Variants in KCTD8 observed in about 807,000 individuals in gnomAD.
KCTD8 encodes the protein potassium channel tetramerization domain containing 8.
In KCTD8, 27 loss-of-function variants were observed where a neutral mutation model predicts 31.5. The ratio of observed to expected loss-of-function variants is 0.86; its 90% confidence interval spans 0.63 to 1.18. KCTD8 has a LOEUF of 1.18. KCTD8 is among the 50% of genes most tolerant of loss of function. The pLI, the probability that KCTD8 is intolerant of heterozygous loss-of-function variation, is 0.00. For synonymous variants in KCTD8, 290 were observed against 280.0 expected (o/e 1.04, Z -0.36); for missense variants, 658 against 647.7 (o/e 1.02, Z -0.17).
intron 1 of KCTD8, among the ~76,000 whole-genome samples, chr4:44,210,569 A>C (rs1382144658): frequency 1.3e-5 from 2 of 152,228 alleles, no homozygotes; most frequent in Non-Finnish European, 2.9e-5. Flanking sequence ...ATCACATAGG[A>C]AACATTTTTT....
intron 1 of KCTD8, among the ~76,000 whole-genome samples, chr4:44,238,466 C>A (rs796902548): frequency 9.9e-5 from 15 of 152,138 alleles, no homozygotes; most frequent in African/African-American, 3.6e-4. Flanking sequence ...CTACTATTTG[C>A]AACAGAGTTT....
chr4:44,339,336 T>C (rs1045101053), intron 1 of KCTD8, among the ~76,000 whole-genome samples: 1 of 151,988 alleles, frequency 6.6e-6, no homozygotes, highest in African/African-American at 2.4e-5. Context: ...CCAAACATAC[T>C]GAGAGCAGGA....
At chr4:44,378,424 C>T (rs150237706) in intron 1 of KCTD8, among the ~76,000 whole-genome samples, 24 of 150,930 alleles carry the variant, frequency 1.6e-4, no homozygotes, top group East Asian at 5.9e-4. Flanking sequence ...CAAACCTGCA[C>T]GTTGTGCATA....
Position 44,297,243 on chromosome 4 carries a change from A to T in KCTD8, c.962-121993T>A, listed in dbSNP as rs545835891. ...AATAATTGGAACAAATTAAATCAAA[A>T]CAGATTAGAATAGCATTGCCAACAA... On this transcript the variant is annotated intron_variant, in intron 1 of 1. Transcript: ENST00000360029. Among the ~76,000 whole-genome samples the T allele has an allele frequency of 2.0e-5, 3 of 152,244 alleles. No individual in the cohort carries two copies. In the South Asian group the frequency reaches 6.2e-4, roughly 32 times the overall value.
rs529009603 is a variant in KCTD8 at position 44,441,067 on chromosome 4, G to A, written c.961+6496C>T. ...GGTATCATTAATAGAAACTAATAAT[G>A]AGACATATATGGCTGATAGGCAGAT... On this transcript the variant is annotated intron_variant, in intron 1 of 1. Transcript: ENST00000360029. Among the ~76,000 whole-genome samples, 4 of 152,226 alleles carry A rather than the reference G, an allele frequency of 2.6e-5. No homozygotes were observed. In the East Asian group the frequency reaches 5.8e-4, roughly 22 times the overall value.
chr4:44,336,908 A>G (rs549224241), intron 1 of KCTD8, among the ~76,000 whole-genome samples: 1 of 149,796 alleles, frequency 6.7e-6, no homozygotes, highest in Non-Finnish European at 1.5e-5. Context: ...CATATAACAA[A>G]TCTCTAAACG....
At chr4:44,348,450 T>C (rs973427816) in intron 1 of KCTD8, among the ~76,000 whole-genome samples, 3 of 152,146 alleles carry the variant, frequency 2.0e-5, no homozygotes, top group African/African-American at 7.2e-5. Context: ...AAAATAAATA[T>C]AAACTAGCCA....
intron 1 of KCTD8, among the ~76,000 whole-genome samples, chr4:44,367,052 A>G (rs1329894847): frequency 6.6e-6 from 1 of 152,128 alleles, no homozygotes; most frequent in Non-Finnish European, 1.5e-5. Context: ...ATCCAGCCAC[A>G]CTAGTCTTCC....
At position 44,241,626 on chromosome 4, in the gene KCTD8, T is replaced by C. The variant is rs555133455; in HGVS notation, c.962-66376A>G. 1.6e-4 allele frequency among the ~76,000 whole-genome samples: 24 copies of C among 152,352 alleles called. 1 individual carries two copies. In the South Asian group the frequency reaches 3.7e-3, roughly 24 times the overall value. ...AGATGAATACTATTTATTTAATCTT[T>C]TTTATTTAAAACACTCTACCTCTAT... On this transcript the variant is annotated intron_variant, in intron 1 of 1. Transcript: ENST00000360029.
chr4:44,357,858 GTAGT>G (rs1421834649), intron 1 of KCTD8, among the ~76,000 whole-genome samples: 1 of 151,620 alleles, frequency 6.6e-6, no homozygotes, highest in Non-Finnish European at 1.5e-5. Flanking sequence ...TATCAGCACA[GTAGT>G]TATTCTCTCT....
At position 44,175,055 on chromosome 4, in the gene KCTD8, G is replaced by A; in HGVS notation, c.1157C>T (p.Thr386Ile). The A allele has an allele frequency of 1.2e-6, 2 of 1,614,062 alleles. No homozygotes were observed. The highest frequency in any genetic ancestry group is 1.7e-6 in the Non-Finnish European group (2 of 1,179,972). Residue 386 changes from threonine (T) to isoleucine (I), a missense_variant, in exon 2 of 2, where the codon ACT becomes ATT. Coordinates refer to ENST00000360029, the MANE Select transcript of KCTD8 (RefSeq NM_198353.3). The stretch of plus-strand genomic sequence containing the variant: ...TTTAGAGGGGCGATCCAATGTTAAA[G>A]TGTTAGGTTGGTGAGCTGTTGCCTG... ...AQQATAHQPN[T>I]LTLDRPSKKA... is the part of the protein sequence containing the mutation.
intron 1 of KCTD8, among the ~76,000 whole-genome samples, chr4:44,177,868 A>G (rs1454815909): frequency 2.0e-5 from 3 of 152,110 alleles, no homozygotes; most frequent in Admixed American, 2.0e-4. Context: ...TCCCATATTA[A>G]ATGTTATTAA....
intron 1 of KCTD8, among the ~76,000 whole-genome samples, chr4:44,375,262 A>G (rs2109439045): frequency 6.6e-6 from 1 of 152,290 alleles, no homozygotes; most frequent in Non-Finnish European, 1.5e-5. Context: ...AACAAGGAAG[A>G]CAGAACTCCA....
chr4:44,230,529 C>CT (rs916205781), intron 1 of KCTD8, among the ~76,000 whole-genome samples: 4 of 152,140 alleles, frequency 2.6e-5, no homozygotes, highest in Non-Finnish European at 5.9e-5. Context: ...TTCCCATCAT[C>CT]TTTTTTACAA....
intron 1 of KCTD8, among the ~76,000 whole-genome samples, chr4:44,433,740 C>T (rs1449511745): frequency 1.3e-5 from 2 of 151,548 alleles, no homozygotes; most frequent in East Asian, 1.9e-4. Flanking sequence ...AGACATACCC[C>T]TGGTAAAAGA....
intron 1 of KCTD8, among the ~76,000 whole-genome samples, chr4:44,235,557 A>T (rs866113151): frequency 2.9e-3 from 204 of 69,416 alleles, no homozygotes; most frequent in African/African-American, 0.015. Context: ...ATATATATAT[A>T]TATATATATA....
intron 1 of KCTD8, among the ~76,000 whole-genome samples, chr4:44,431,591 C>CA (rs1406136406): frequency 8.6e-5 from 13 of 151,054 alleles, no homozygotes; most frequent in Admixed American, 3.3e-4. Context: ...ACAACAACAA[C>CA]AAAAAAAACC....
intron 1 of KCTD8, among the ~76,000 whole-genome samples, chr4:44,260,821 A>G (rs1716139121): frequency 6.6e-6 from 1 of 152,002 alleles, no homozygotes; most frequent in Non-Finnish European, 1.5e-5. Flanking sequence ...TGAGATGGAA[A>G]TCATTGGAAA....
At chr4:44,194,203 C>G (rs895299460) in intron 1 of KCTD8, among the ~76,000 whole-genome samples, 4 of 152,132 alleles carry the variant, frequency 2.6e-5, no homozygotes, top group Non-Finnish European at 5.9e-5. Context: ...TTTTCAGACC[C>G]TAATTAAATA....
Sources: allele counts gnomAD v4.1 joint callset (sites outside exome capture counted in the v4.1 genomes callset), GRCh38; gene constraint gnomAD v4.1.1; transcripts MANE v1.5; gene names NCBI Gene and HGNC (gene_info 2026-07-23, HGNC 2026-07-21).